The following NFAT5 variants were observed in gnomAD, a reference collection of about 807,000 sequenced individuals.
NFAT5 encodes the protein nuclear factor of activated T-cells 5.
In NFAT5, 31 loss-of-function variants were observed where a neutral mutation model predicts 166.5. That is an observed-to-expected ratio of 0.19 (90% CI 0.14 to 0.25). The LOEUF (loss-of-function observed/expected upper bound fraction) is 0.25. NFAT5 is among the 10% of genes least tolerant of loss of function. The pLI, the probability that NFAT5 is intolerant of heterozygous loss-of-function variation, is 1.00. For missense variants in NFAT5, 1,449 were observed against 1,821.8 expected, an observed-to-expected ratio of 0.80 and a Z score of 3.72; for synonymous variants, 612 against 639.7, an observed-to-expected ratio of 0.96 and a Z score of 0.65.
intron 2 of NFAT5, among the ~76,000 whole-genome samples, chr16:69,591,869 G>A (rs1373503228): frequency 6.6e-6 from 1 of 152,022 alleles, no homozygotes; most frequent in African/African-American, 2.4e-5. Context: ...GTTTGAGGCT[G>A]CAGTGACCTG....
In NFAT5 at chr16:69,691,098, A is replaced by G. The variant is rs764966657; in HGVS notation, c.1923+10A>G. 13 of 1,561,796 alleles carry G rather than the reference A, an allele frequency of 8.3e-6. No individual in the cohort carries two copies. The highest frequency in any genetic ancestry group is 1.1e-5 in the Non-Finnish European group (13 of 1,155,790). ...TTCCACTATTTTTAAGGTAAGCTGT[A>G]TTGACTAGTGCACAAACCTCCTATA... On this transcript the variant is annotated intron_variant, in intron 12 of 14. Transcript: ENST00000349945.
chr16:69,649,057 G>A (rs868846992), intron 4 of NFAT5: 1 of 860,256 alleles, frequency 1.2e-6, no homozygotes, highest in Non-Finnish European at 1.4e-6. Context: ...AAGAAAATAA[G>A]ATATACTCTT....
At chr16:69,695,094 C>T (rs1172940918) in intron 13 of NFAT5, 42 bp from the exon 14 acceptor site, 1 of 1,381,914 alleles carries the variant, frequency 7.2e-7, no homozygotes, top group East Asian at 2.3e-5. Context: ...TTTCTGCAGA[C>T]TGTAGTCAGC....
intron 4 of NFAT5, chr16:69,648,998 A>G: frequency 1.0e-6 from 1 of 966,912 alleles, no homozygotes; most frequent in Non-Finnish European, 1.2e-6. Flanking sequence ...GAAAATGAAT[A>G]TTTAAATGCT....
chr16:69,683,006 G>C (rs1444593117), intron 10 of NFAT5, among the ~76,000 whole-genome samples: 1 of 152,176 alleles, frequency 6.6e-6, no homozygotes, highest in East Asian at 1.9e-4. Flanking sequence ...GAGGTCAGAA[G>C]TTAGAGACCA....
At chr16:69,600,168 A>G (rs571300205) in intron 2 of NFAT5, among the ~76,000 whole-genome samples, 185 of 152,058 alleles carry the variant, frequency 1.2e-3, no homozygotes, top group Middle Eastern at 0.01. Context: ...AAAAAACAAG[A>G]TATTTCAGGG....
intron 2 of NFAT5, among the ~76,000 whole-genome samples, chr16:69,573,060 C>G (rs924913445): frequency 6.6e-6 from 1 of 152,122 alleles, no homozygotes; most frequent in Non-Finnish European, 1.5e-5. Context: ...CCAGGGTGGC[C>G]TCGATCCCTT....
intron 2 of NFAT5, among the ~76,000 whole-genome samples, chr16:69,605,242 T>C (rs1439140225): frequency 6.6e-6 from 1 of 152,106 alleles, no homozygotes; most frequent in African/African-American, 2.4e-5. Flanking sequence ...GAGTTCGAGA[T>C]CTGCCTGGCC....
intron 2 of NFAT5, among the ~76,000 whole-genome samples, chr16:69,624,876 C>T (rs553774055): frequency 2.7e-5 from 4 of 149,816 alleles, no homozygotes; most frequent in East Asian, 2.0e-4. Flanking sequence ...TAAGTATACG[C>T]GATATGCCTC....
intron 2 of NFAT5, among the ~76,000 whole-genome samples, chr16:69,621,293 A>C (rs893601234): frequency 1.3e-5 from 2 of 152,048 alleles, no homozygotes; most frequent in African/African-American, 4.8e-5. Flanking sequence ...TAATTTACAT[A>C]CTATAAAGGT....
intron 2 of NFAT5, among the ~76,000 whole-genome samples, chr16:69,582,133 T>G (rs1465767679): frequency 1.3e-5 from 2 of 151,980 alleles, no homozygotes; most frequent in Non-Finnish European, 2.9e-5. Context: ...GGTGTGGTGG[T>G]GCATGCTTGT....
intron 3 of NFAT5, among the ~76,000 whole-genome samples, chr16:69,636,208 C>T (rs767495569): frequency 2.6e-5 from 4 of 152,202 alleles, no homozygotes; most frequent in Non-Finnish European, 4.4e-5. Context: ...AACCAGGTCA[C>T]GCTGATGCAA....
chr16:69,660,754 GATT>G (rs2036088300), intron 7 of NFAT5, among the ~76,000 whole-genome samples: 1 of 151,826 alleles, frequency 6.6e-6, no homozygotes, highest in African/African-American at 2.4e-5. Context: ...TCTCTCTAAT[GATT>G]ATTGTTATAG....
intron 2 of NFAT5, among the ~76,000 whole-genome samples, chr16:69,625,864 C>A (rs1356162647): frequency 1.3e-5 from 2 of 151,162 alleles, no homozygotes; most frequent in Non-Finnish European, 2.9e-5. Context: ...CTATCTTGAA[C>A]ATAAGGAATA....
At chr16:69,646,889 T>C (rs2035459104) in intron 3 of NFAT5, 139 bp from the exon 4 acceptor site, 1 of 720,244 alleles carries the variant, frequency 1.4e-6, no homozygotes, top group Non-Finnish European at 2.2e-6. Flanking sequence ...GAAGCATTTA[T>C]ATTCTAAAAC....
chr16:69,659,478 AGATTTTAAAATAGT>A, intron 6 of NFAT5, among the ~76,000 whole-genome samples: 1 of 152,282 alleles, frequency 6.6e-6, no homozygotes, highest in African/African-American at 2.4e-5. Context: ...ATTTATGTTC[AGATTTTAAAATAGT>A]GATTTTATTT....
chr16:69,576,470 T>C (rs184526976), intron 2 of NFAT5, among the ~76,000 whole-genome samples: 112 of 152,232 alleles, frequency 7.4e-4, no homozygotes, highest in African/African-American at 2.5e-3. Flanking sequence ...TCATAAAGAA[T>C]ATGATTATGA....
intron 2 of NFAT5, among the ~76,000 whole-genome samples, chr16:69,579,785 TAA>T (rs1339774909): frequency 6.6e-6 from 1 of 152,166 alleles, no homozygotes; most frequent in Non-Finnish European, 1.5e-5. Context: ...GGGTTGTAAA[TAA>T]AAACCCAGTT....
intron 2 of NFAT5, among the ~76,000 whole-genome samples, chr16:69,621,530 C>A (rs1266313860): frequency 6.6e-6 from 1 of 152,110 alleles, no homozygotes; most frequent in Non-Finnish European, 1.5e-5. Context: ...CATTCTGTTT[C>A]TTCGTATCTT....
Sources: allele counts gnomAD v4.1 joint callset (sites outside exome capture counted in the v4.1 genomes callset), GRCh38; gene constraint gnomAD v4.1.1; transcripts MANE v1.5; gene names NCBI Gene and HGNC (gene_info 2026-07-23, HGNC 2026-07-21).